Variants in SYNE2 observed in about 807,000 individuals in gnomAD.
SYNE2 encodes the protein nesprin-2.
SYNE2 carries 431 observed loss-of-function variants against 856.3 expected under a neutral mutation model. The ratio of observed to expected loss-of-function variants is 0.50; its 90% CI spans 0.47 to 0.55. The LOEUF (loss-of-function observed/expected upper bound fraction) is 0.55. SYNE2 is among the 20% of genes least tolerant of loss of function. SYNE2 has a pLI of 0.00. For synonymous variants in SYNE2, 2,923 were observed against 2,872.3 expected (o/e 1.02, Z -0.56); for missense variants, 8,129 against 8,023.2 (o/e 1.01, Z -0.50).
chr14:63,811,018 G>A (rs1888594265), intron 1 of SYNE2, among the ~76,000 whole-genome samples: 1 of 152,014 alleles, frequency 6.6e-6, no homozygotes, highest in African/African-American at 2.4e-5. Flanking sequence ...GGTATTTTTA[G>A]TAGAGATGGG....
intron 1 of SYNE2, among the ~76,000 whole-genome samples, chr14:63,888,066 T>C (rs1366204385): frequency 6.6e-6 from 1 of 152,216 alleles, no homozygotes; most frequent in African/African-American, 2.4e-5. Context: ...TCTTGGTTTT[T>C]ATAGTGTCAT....
At chr14:64,043,624 T>C (rs1465070812) in intron 45 of SYNE2, among the ~76,000 whole-genome samples, 1 of 152,240 alleles carries the variant, frequency 6.6e-6, no homozygotes, top group Non-Finnish European at 1.5e-5. Flanking sequence ...CAGCTCGGGC[T>C]GTGGCTTCAG....
rs777044124 is a variant in SYNE2 at position 63,976,512 on chromosome 14, C to A, written c.1129-51C>A. 92 of 1,571,202 alleles carry A rather than the reference C, an allele frequency of 5.9e-5. 1 individual carries two copies. In the South Asian group the frequency reaches 1.0e-3, roughly 17 times the overall value. ...AACATACTGTATGTGAAGAAATAAA[C>A]TAGAAAAGTTCTACTGAAGAATATG... On this transcript the variant is annotated intron_variant, in intron 11 of 115. Transcript: ENST00000555002.
intron 96 of SYNE2, among the ~76,000 whole-genome samples, chr14:64,180,125 T>G (rs2098451278): frequency 1.3e-5 from 2 of 152,264 alleles, no homozygotes; most frequent in Admixed American, 6.5e-5. Flanking sequence ...CTATTTATTG[T>G]CTAATGTCAA....
chr14:64,216,162 A>G, intron 107 of SYNE2, 86 bp from the exon 108 acceptor site: 4 of 1,603,568 alleles, frequency 2.5e-6, no homozygotes, highest in Admixed American at 1.7e-5. Context: ...TGCAGAACTC[A>G]TTTTCATACT....
chr14:64,143,677 C>T (rs991187743), intron 82 of SYNE2, 95 bp from the exon 83 acceptor site: 20 of 1,326,794 alleles, frequency 1.5e-5, no homozygotes, highest in Middle Eastern at 2.5e-4. Context: ...GATTAATGGA[C>T]GGGAGCTTGG....
At chr14:63,863,617 A>G (rs1197404057) in intron 1 of SYNE2, among the ~76,000 whole-genome samples, 1 of 152,162 alleles carries the variant, frequency 6.6e-6, no homozygotes, top group African/African-American at 2.4e-5. Context: ...CCCACAACTC[A>G]AATGCATATA....
Position 64,125,129 on chromosome 14 carries a change from A to T in SYNE2, c.13473A>T (p.Arg4491Ser). The change falls in exon 71 of 116, where the codon AGA becomes AGT. Residue 4491 changes from arginine (R) to serine (S), a missense_variant. Arg to Ser is a moderately radical substitution (Grantham distance 110, BLOSUM62 -1). This residue lies in a region of SYNE2 where 5,410 missense variants were observed against 5,284.8 expected (regional missense o/e 1.02). Transcript: ENST00000555002. ...CCAGCGTGACTATGTATAACTTTAG[A>T]TACCCAACAACTGAAGAACTGAAAA... is the stretch of plus-strand genomic sequence containing the variant. ...ILPSVTMYNF[R>S]YPTTEELKTY... 1 of 1,614,214 alleles carries T rather than the reference A, an allele frequency of 6.2e-7. No individual in the cohort carries two copies.
chr14:63,901,465 C>T (rs2095335835), intron 1 of SYNE2, among the ~76,000 whole-genome samples: 1 of 152,030 alleles, frequency 6.6e-6, no homozygotes, highest in Admixed American at 6.6e-5. Flanking sequence ...ATAAAAATCA[C>T]CCATAATCCC....
At chr14:63,892,854 C>T (rs528793470) in intron 1 of SYNE2, among the ~76,000 whole-genome samples, 54 of 151,726 alleles carry the variant, frequency 3.6e-4, no homozygotes, top group Non-Finnish European at 5.3e-4. Flanking sequence ...TAGGCTAGGG[C>T]TACCATGCCT....
At chr14:63,788,582 A>G (rs1887625279) in intron 1 of SYNE2, among the ~76,000 whole-genome samples, 1 of 152,060 alleles carries the variant, frequency 6.6e-6, no homozygotes, top group East Asian at 1.9e-4. Context: ...CAGGAGGCCC[A>G]GGTCTACAGG....
chr14:64,088,827 A>T (rs1410387748), intron 58 of SYNE2, among the ~76,000 whole-genome samples: 1 of 152,198 alleles, frequency 6.6e-6, no homozygotes, highest in East Asian at 1.9e-4. Flanking sequence ...CACCACACTC[A>T]TGTATCTTCA....
chr14:63,880,129 T>C (rs1002085995), intron 1 of SYNE2, among the ~76,000 whole-genome samples: 1 of 152,212 alleles, frequency 6.6e-6, no homozygotes, highest in African/African-American at 2.4e-5. Context: ...CTTACTCTGT[T>C]GCCCAGACTG....
chr14:64,056,322 A>C, intron 49 of SYNE2, 56 bp downstream of exon 49: 1 of 1,447,620 alleles, frequency 6.9e-7, no homozygotes, highest in Non-Finnish European at 9.5e-7. Context: ...TTCAAGATAT[A>C]ATTAAACTAT....
chr14:63,774,479 A>AAAAAAAG (rs1386446764), intron 1 of SYNE2, among the ~76,000 whole-genome samples: 2 of 151,474 alleles, frequency 1.3e-5, no homozygotes, highest in Non-Finnish European at 2.9e-5. Context: ...AAAAAAAAAA[A>AAAAAAAG]AAAAAAAGAA....
At chr14:63,978,766 C>G in intron 13 of SYNE2, 86 bp from the exon 14 acceptor site, 2 of 1,183,630 alleles carry the variant, frequency 1.7e-6, no homozygotes, top group Non-Finnish European at 2.4e-6. Flanking sequence ...AAGTTAAAGC[C>G]TCAATATTTT....
Position 64,143,425 on chromosome 14 carries a change from AG to A in SYNE2, c.15307-345del, listed in dbSNP as rs531380520. ...CATCTGGTTGTTTCCGTGAGCCCTC[AG>A]GATGGCCCAGAATTCCAGCACAGCT... On this transcript the variant is annotated intron_variant, in intron 82 of 115. Transcript: ENST00000555002. Among the ~76,000 whole-genome samples, 311 of 152,340 alleles carry A rather than the reference AG, an allele frequency of 2.0e-3. 3 individuals carry two copies. Among genetic ancestry groups the A allele is most frequent in the African/African-American group, 7.4e-3 (306 of 41,576 alleles).
intron 82 of SYNE2, 50 bp from the exon 83 acceptor site, chr14:64,143,722 A>T: frequency 6.2e-7 from 1 of 1,601,904 alleles, no homozygotes; most frequent in Non-Finnish European, 8.5e-7. Context: ...AATCCATTTG[A>T]TCTGACCAAC....
chr14:64,168,764 AT>A, intron 92 of SYNE2, 112 bp from the exon 93 acceptor site: 1 of 754,106 alleles, frequency 1.3e-6, no homozygotes, highest in Admixed American at 2.2e-5. Context: ...TAATATGAAA[AT>A]TAATTATCCC....
Sources: gnomAD v4.1 joint callset for allele counts (sites outside exome capture counted in the v4.1 genomes callset) on GRCh38, gnomAD v4.1.1 for gene constraint, gnomAD v4.1.1 regional missense constraint, MANE v1.5 for transcripts, NCBI Gene and HGNC (gene_info 2026-07-23, HGNC 2026-07-21) for gene names.